The following UQCRC2 variants were observed in gnomAD, a reference collection of about 807,000 sequenced individuals.
UQCRC2 encodes the protein ubiquinol-cytochrome c reductase core protein 2.
A neutral mutation model predicts 55.6 loss-of-function variants in UQCRC2; 49 were observed. The ratio of observed to expected loss-of-function variants is 0.88; its 90% CI spans 0.70 to 1.12. The LOEUF is 1.12. Among genes scored for constraint, UQCRC2 ranks in the 50% most tolerant of loss-of-function variants. The probability of loss-of-function intolerance (pLI) is 0.00; values close to 1 mark genes in which losing one functional copy is unlikely to be tolerated. For synonymous variants in UQCRC2, 193 were observed against 192.0 expected (o/e 1.01, Z -0.04); for missense variants, 506 against 547.8 (o/e 0.92, Z 0.76).
chr16:21,971,685 T>G, intron 9 of UQCRC2, 65 bp downstream of exon 9: 1 of 1,520,514 alleles, frequency 6.6e-7, no homozygotes, highest in South Asian at 1.1e-5. Flanking sequence ...AATAGCATAT[T>G]GAGGTGGAAT....
At chr16:21,974,044 T>G (rs1302317310) in intron 11 of UQCRC2, 68 bp downstream of exon 11, 5 of 1,438,104 alleles carry the variant, frequency 3.5e-6, no homozygotes, top group Non-Finnish European at 4.8e-6. Flanking sequence ...TAAACATGTT[T>G]TCGGTTAAAA....
chr16:21,965,360 C>A (rs905048381), intron 6 of UQCRC2, 48 bp from the exon 7 acceptor site: 4 of 1,571,738 alleles, frequency 2.5e-6, no homozygotes, highest in Non-Finnish European at 2.6e-6. Context: ...AAAATGTTGT[C>A]TTTACTGAAA....
intron 8 of UQCRC2, among the ~76,000 whole-genome samples, chr16:21,968,971 AG>A (rs1391267541): frequency 6.6e-6 from 1 of 152,240 alleles, no homozygotes. Context: ...CTTTTTTAAA[AG>A]GAAGTACAGC....
At chr16:21,958,957 A>G (rs530722380) in intron 4 of UQCRC2, among the ~76,000 whole-genome samples, 2 of 152,360 alleles carry the variant, frequency 1.3e-5, no homozygotes, top group East Asian at 1.9e-4. Flanking sequence ...TAAGTGTACA[A>G]TGACATTTTG....
At chr16:21,981,088 A>G (rs1334955570) in intron 13 of UQCRC2, among the ~76,000 whole-genome samples, 1 of 152,220 alleles carries the variant, frequency 6.6e-6, no homozygotes, top group Non-Finnish European at 1.5e-5. Context: ...TAGCAGTTTC[A>G]TATGATCCAA....
chr16:21,980,846 T>C lies in UQCRC2; in HGVS notation c.1278+146T>C, dbSNP rs1898707603. 4 of 884,096 alleles carry C rather than the reference T, an allele frequency of 4.5e-6. No homozygotes were observed. The South Asian group carries it at 8.0e-5, about 18-fold the overall frequency. The allele number at this position is 884,096 out of a possible 1,614,324, so 54.8% of individuals were successfully genotyped here. On this transcript the variant is annotated intron_variant, in intron 13 of 13. Coordinates refer to ENST00000268379, the MANE Select transcript of UQCRC2 (RefSeq NM_003366.4). ...TTAATGTGGAGGCAGGAGGGCTCAT[T>C]CCCATAAGATCCGCAACAAGCTTCC...
At chr16:21,974,646 G>A (rs1334219371) in intron 11 of UQCRC2, among the ~76,000 whole-genome samples, 1 of 152,218 alleles carries the variant, frequency 6.6e-6, no homozygotes, top group Non-Finnish European at 1.5e-5. Context: ...AGAGGTTGGT[G>A]TGGGCTAGTG....
intron 12 of UQCRC2, chr16:21,980,304 CA>C: frequency 2.2e-6 from 1 of 444,910 alleles, no homozygotes; most frequent in South Asian, 3.6e-5. Flanking sequence ...AAATGGAGGC[CA>C]AAGTGGGCCC....
rs192170685 is a variant in UQCRC2, at chr16:21,982,062, G to T, written c.1279-1026G>T. 1.5e-3 allele frequency among the ~76,000 whole-genome samples: 222 copies of T among 151,872 alleles called. 1 individual carries two copies. The highest frequency in any genetic ancestry group is 5.2e-3 in the African/African-American group (216 of 41,396). ...TTACCATGTTAGCCAGGATGGTCTCGATCTCCTGACCTCGTGATCCACCCG... is the reference window on the plus strand; with the variant it reads ...TTACCATGTTAGCCAGGATGGTCTCTATCTCCTGACCTCGTGATCCACCCG... On this transcript the variant is annotated intron_variant, in intron 13 of 13. Coordinates refer to ENST00000268379, the MANE Select transcript of UQCRC2 (RefSeq NM_003366.4).
In UQCRC2 at chr16:21,958,562, A is replaced by G. The variant is rs1338983022; in HGVS notation, c.295A>G (p.Ile99Val). 1.6e-5 allele frequency: 25 copies of G among 1,612,830 alleles called. No individual in the cohort carries two copies. The highest frequency in any genetic ancestry group is 6.6e-5 in the South Asian group (6 of 90,622). ...LTTKGASSFKITRGIEAVGGK... is the reference protein window; with the variant it reads ...LTTKGASSFKVTRGIEAVGGK... Reference sequence around the variant, plus strand: ...GACAAAAGGAGCTTCATCTTTCAAGATAACCCGTGGAATTGAAGCAGTTGG... The same window carrying G: ...GACAAAAGGAGCTTCATCTTTCAAGGTAACCCGTGGAATTGAAGCAGTTGG... Residue 99 changes from isoleucine (I) to valine (V), a missense_variant, in exon 4 of 14, where the codon ATA (isoleucine) becomes GTA (valine). By Grantham distance (29) the Ile-to-Val change is conservative. Transcript: ENST00000268379.
At chr16:21,979,313 A>C (rs1057261920) in intron 12 of UQCRC2, among the ~76,000 whole-genome samples, 1 of 152,180 alleles carries the variant, frequency 6.6e-6, no homozygotes, top group Non-Finnish European at 1.5e-5. Flanking sequence ...TTTCAACTTG[A>C]CTATGGAGGA....
At chr16:21,976,365 G>A in intron 12 of UQCRC2, 122 bp downstream of exon 12, 1 of 834,706 alleles carries the variant, frequency 1.2e-6, no homozygotes, top group Non-Finnish European at 1.9e-6. Context: ...AGCGTAAAAA[G>A]GGAAACATAC....
At chr16:21,973,802 G>C in intron 10 of UQCRC2, 94 bp from the exon 11 acceptor site, 1 of 1,098,902 alleles carries the variant, frequency 9.1e-7, no homozygotes, top group South Asian at 1.4e-5. Flanking sequence ...TGTTTATACC[G>C]TGAAGGTCCA....
chr16:21,954,096 G>A lies in UQCRC2; in HGVS notation c.33+640G>A, dbSNP rs551768661. Reference sequence around the variant, plus strand: ...TCACTTGGGGAAAACTCACACATCAGGGTTATATCACTGTGGGACAGTGGT... The same window carrying A: ...TCACTTGGGGAAAACTCACACATCAAGGTTATATCACTGTGGGACAGTGGT... On this transcript the variant is annotated intron_variant, in intron 1 of 13. Coordinates refer to ENST00000268379, the MANE Select transcript of UQCRC2 (RefSeq NM_003366.4). Among the ~76,000 whole-genome samples the A allele has an allele frequency of 3.3e-5, 5 of 152,222 alleles. No individual in the cohort carries two copies. The South Asian group carries it at 1.0e-3, about 32-fold the overall frequency.
chr16:21,977,968 A>G (rs1898625579), intron 12 of UQCRC2, among the ~76,000 whole-genome samples: 1 of 152,242 alleles, frequency 6.6e-6, no homozygotes, highest in East Asian at 1.9e-4. Flanking sequence ...GAAACAAAAC[A>G]TGATGAGAAT....
Position 21,962,476 on chromosome 16 carries a change from G to A in UQCRC2, c.349G>A (p.Glu117Lys). 6.2e-7 allele frequency: 1 copy of A among 1,614,156 alleles called. No homozygotes were observed. The highest frequency in any genetic ancestry group is 1.1e-5 in the South Asian group (1 of 91,080). Residue 117 changes from glutamate to lysine, a missense_variant, in exon 5 of 14, where the codon GAA becomes AAA. Glu to Lys is a moderately conservative substitution (Grantham distance 56). Transcript: ENST00000268379. ...GGKLSVTATRENMAYTVECLR... is the reference protein window; with the variant it reads ...GGKLSVTATRKNMAYTVECLR... Reference sequence around the variant, plus strand: ...CCGATTCAGTGTGACCGCAACAAGGGAAAACATGGCTTATACTGTGGAATG... The same window carrying A: ...CCGATTCAGTGTGACCGCAACAAGGAAAAACATGGCTTATACTGTGGAATG...
intron 5 of UQCRC2, 83 bp from the exon 6 acceptor site, chr16:21,962,677 AT>A: frequency 6.2e-7 from 1 of 1,601,162 alleles, no homozygotes. Flanking sequence ...AAAGTTTCAC[AT>A]TGAGAGCATT....
At chr16:21,953,941 C>T (rs529503669) in intron 1 of UQCRC2, among the ~76,000 whole-genome samples, 2 of 152,298 alleles carry the variant, frequency 1.3e-5, no homozygotes, top group Non-Finnish European at 2.9e-5. Context: ...TTGTTAAATA[C>T]TATGGTGTCT....
intron 11 of UQCRC2, among the ~76,000 whole-genome samples, chr16:21,975,116 G>A (rs1249006614): frequency 6.6e-6 from 1 of 152,154 alleles, no homozygotes; most frequent in Non-Finnish European, 1.5e-5. Context: ...GAGGAGGTAG[G>A]TATTAGGGTT....
Sources: gnomAD v4.1 joint callset for allele counts (sites outside exome capture counted in the v4.1 genomes callset) on GRCh38, gnomAD v4.1.1 for gene constraint, MANE v1.5 for transcripts, NCBI Gene and HGNC (gene_info 2026-07-23, HGNC 2026-07-21) for gene names.